CREB5: variants seen among roughly 807,000 people sequenced by gnomAD.
CREB5 encodes the protein cAMP responsive element binding protein 5.
A neutral mutation model predicts 57.1 loss-of-function variants in CREB5; 19 were observed. The ratio of observed to expected loss-of-function variants is 0.33; its 90% CI spans 0.23 to 0.49. The LOEUF is 0.49. Among genes scored for constraint, CREB5 ranks in the 20% least tolerant of loss-of-function variants. The pLI, the probability that CREB5 is intolerant of heterozygous loss-of-function variation, is 0.99. For missense variants in CREB5, 579 were observed against 671.6 expected, an observed-to-expected ratio of 0.86 and a Z score of 1.52; for synonymous variants, 238 against 238.3, an observed-to-expected ratio of 1.00 and a Z score of 0.01.
rs1787860321 is a variant in CREB5, at chr7:28,412,820, T to A, written c.-95T>A. 1 of 1,170,622 alleles carries A rather than the reference T, an allele frequency of 8.5e-7. No individual in the cohort carries two copies. The highest frequency in any genetic ancestry group is 2.1e-5 in the South Asian group (1 of 48,424). 72.5% of individuals were successfully genotyped at this position (1,170,622 alleles called of 1,614,324 possible). A position where few individuals can be genotyped will look rare whatever the true frequency, so the allele number is the denominator to read the frequency against. ...TCAAGACTTATTTTCTTCCTAATCTTGCTGGTGAAACAGAAGTTACTAGAA... is the reference window on the plus strand; with the variant it reads ...TCAAGACTTATTTTCTTCCTAATCTAGCTGGTGAAACAGAAGTTACTAGAA... On this transcript the variant is annotated 5_prime_UTR_variant, in exon 1 of 11. Transcript: ENST00000357727.
intron 7 of CREB5, among the ~76,000 whole-genome samples, chr7:28,788,677 C>G (rs1290038540): frequency 6.6e-6 from 1 of 152,166 alleles, no homozygotes; most frequent in Non-Finnish European, 1.5e-5. Context: ...GAATGAGGAG[C>G]TGCCATGCTC....
At chr7:28,534,671 C>A (rs1793882684) in intron 4 of CREB5, among the ~76,000 whole-genome samples, 1 of 144,220 alleles carries the variant, frequency 6.9e-6, no homozygotes, top group Non-Finnish European at 1.6e-5. Context: ...CCTTACTTTC[C>A]TTCACTTATG....
chr7:28,569,597 TC>T (rs1377822653), intron 4 of CREB5, among the ~76,000 whole-genome samples: 1 of 152,228 alleles, frequency 6.6e-6, no homozygotes, highest in Non-Finnish European at 1.5e-5. Flanking sequence ...TTAATATACA[TC>T]TGTGGAATGC....
intron 1 of CREB5, among the ~76,000 whole-genome samples, chr7:28,418,849 A>G (rs973298252): frequency 6.6e-6 from 1 of 152,232 alleles, no homozygotes; most frequent in Non-Finnish European, 1.5e-5. Flanking sequence ...TATTCCAGAT[A>G]GAAGCACTGC....
intron 1 of CREB5, among the ~76,000 whole-genome samples, chr7:28,437,557 G>A (rs568399827): frequency 6.6e-6 from 1 of 152,066 alleles, no homozygotes; most frequent in South Asian, 2.1e-4. Context: ...ATATTTTAGT[G>A]AGTGCCTATA....
rs143427660 is a variant in CREB5 at position 28,624,477 on chromosome 7, A to T, written c.464+53940A>T. Among the ~76,000 whole-genome samples the T allele has an allele frequency of 6.2e-3, 945 of 152,300 alleles. 17 individuals carry two copies. Among genetic ancestry groups the T allele is most frequent in the African/African-American group, 0.022 (900 of 41,558 alleles). ...GAAATCCCAAGTTTGTTTGCAATTT[A>T]AAAAAGTTGAATTTCATACCATAGG... is the stretch of plus-strand genomic sequence containing the variant. On this transcript the variant is annotated intron_variant, in intron 5 of 10. Coordinates refer to ENST00000357727, the MANE Select transcript of CREB5 (RefSeq NM_182898.4).
chr7:28,486,670 T>TTTTATATATATATATATATATATATATA (rs1554331894), intron 1 of CREB5, among the ~76,000 whole-genome samples: 1 of 89,116 alleles, frequency 1.1e-5, no homozygotes, highest in Non-Finnish European at 2.3e-5. Flanking sequence ...TCCTATGATT[T>TTTTATATATATATATATATATATATATA]TATATATATA....
intron 7 of CREB5, among the ~76,000 whole-genome samples, chr7:28,743,544 A>G (rs1804498222): frequency 6.6e-6 from 1 of 152,200 alleles, no homozygotes; most frequent in Non-Finnish European, 1.5e-5. Flanking sequence ...AAAATAAAAA[A>G]GAAAGAAAAC....
chr7:28,330,891 T>C (rs187010258), intron 1 of CREB5, among the ~76,000 whole-genome samples: 110 of 152,286 alleles, frequency 7.2e-4, no homozygotes, highest in Admixed American at 5.5e-3. Flanking sequence ...TTGTGAAGCT[T>C]AACAAATATT....
intron 5 of CREB5, among the ~76,000 whole-genome samples, chr7:28,711,864 A>G (rs1802413457): frequency 6.6e-6 from 1 of 152,230 alleles, no homozygotes; most frequent in African/African-American, 2.4e-5. Context: ...TTGGTGTTTT[A>G]GAGCAAGCCA....
At chr7:28,468,085 A>T (rs1790663793) in intron 1 of CREB5, among the ~76,000 whole-genome samples, 1 of 152,130 alleles carries the variant, frequency 6.6e-6, no homozygotes, top group Non-Finnish European at 1.5e-5. Context: ...AACGGAAGTC[A>T]TTAGTTGCTG....
rs552646557 is a variant in CREB5 at position 28,522,254 on chromosome 7, C to T, written c.291+14517C>T. ...ACTTCAGATGCTTCTTCCTGTCTTT[C>T]GTTGTGTGCATATGCATTTTAATAT... On this transcript the variant is annotated intron_variant, in intron 4 of 10. Transcript: ENST00000357727. Among the ~76,000 whole-genome samples, 13 of 152,212 alleles carry T rather than the reference C, an allele frequency of 8.5e-5. No individual in the cohort carries two copies. In the South Asian group the frequency reaches 1.0e-3, roughly 12 times the overall value.
chr7:28,413,092 A>ATGTGTGTGTGTGTGTGTGTGTGTG (rs10599936), intron 1 of CREB5, among the ~76,000 whole-genome samples, 175 bp downstream of exon 1: 2 of 147,214 alleles, frequency 1.4e-5, no homozygotes, highest in African/African-American at 5.0e-5. Context: ...ATGTGGAAGG[A>ATGTGTGTGTGTGTGTGTGTGTGTG]TGTGTGTGTG....
At chr7:28,447,284 T>A (rs765603426) in intron 1 of CREB5, among the ~76,000 whole-genome samples, 1 of 152,250 alleles carries the variant, frequency 6.6e-6, no homozygotes, top group East Asian at 1.9e-4. Context: ...TTTCTTTAAA[T>A]AGTCTTGCAG....
chr7:28,772,329 A>G (rs1296229506), intron 7 of CREB5, among the ~76,000 whole-genome samples: 1 of 152,188 alleles, frequency 6.6e-6, no homozygotes. Flanking sequence ...GGGCAGCCCA[A>G]GGGGTGACTG....
intron 1 of CREB5, among the ~76,000 whole-genome samples, chr7:28,356,138 C>T (rs570377055): frequency 2.6e-5 from 4 of 152,290 alleles, no homozygotes; most frequent in Admixed American, 2.6e-4. Context: ...AAGAACGGCA[C>T]TTTTCTAATT....
At chr7:28,783,948 T>C (rs1034528421) in intron 7 of CREB5, among the ~76,000 whole-genome samples, 2 of 152,238 alleles carry the variant, frequency 1.3e-5, no homozygotes, top group African/African-American at 4.8e-5. Context: ...CAGCCTCATA[T>C]ATATTTAATA....
intron 1 of CREB5, among the ~76,000 whole-genome samples, chr7:28,361,541 T>G (rs1270953052): frequency 6.6e-6 from 1 of 152,202 alleles, no homozygotes; most frequent in Admixed American, 6.5e-5. Flanking sequence ...TCCAGGGTGT[T>G]GACTCTTGAG....
intron 5 of CREB5, among the ~76,000 whole-genome samples, chr7:28,686,450 G>T (rs1800918076): frequency 6.7e-6 from 1 of 148,798 alleles, no homozygotes; most frequent in Non-Finnish European, 1.5e-5. Context: ...ACCTGAATGA[G>T]TTGAACAGAG....
Sources: allele counts gnomAD v4.1 joint callset (sites outside exome capture counted in the v4.1 genomes callset), GRCh38; gene constraint gnomAD v4.1.1; transcripts MANE v1.5; gene names NCBI Gene and HGNC (gene_info 2026-07-23, HGNC 2026-07-21).